Variants in PARP8 observed in about 807,000 individuals in gnomAD.
PARP8 encodes poly(ADP-ribose) polymerase family member 8.
PARP8 carries 51 observed loss-of-function variants against 124.1 expected under a neutral mutation model. That is an observed-to-expected ratio of 0.41 (90% CI 0.33 to 0.52). The LOEUF (loss-of-function observed/expected upper bound fraction) is 0.52. PARP8 is among the 20% of genes least tolerant of loss of function. PARP8 has a pLI of 0.21. For missense variants in PARP8, 860 were observed against 1,018.9 expected, an observed-to-expected ratio of 0.84 and a Z score of 2.12; for synonymous variants, 391 against 361.5, an observed-to-expected ratio of 1.08 and a Z score of -0.93.
At chr5:50,797,116 T>G (rs1382125279) in intron 13 of PARP8, 22 bp from the exon 14 acceptor site, 1 of 1,609,628 alleles carries the variant, frequency 6.2e-7, no homozygotes, top group Admixed American at 1.7e-5. Context: ...TCTTAATTAT[T>G]TTTCCTTACT....
chr5:50,834,902 G>T, intron 24 of PARP8, 29 bp from the exon 25 acceptor site: 3 of 1,574,682 alleles, frequency 1.9e-6, no homozygotes, highest in Non-Finnish European at 2.6e-6. Flanking sequence ...GAATAAAGTG[G>T]TTCTTTAATT....
intron 2 of PARP8, among the ~76,000 whole-genome samples, chr5:50,692,230 C>T (rs1351544140): frequency 1.3e-5 from 2 of 152,142 alleles, no homozygotes; most frequent in Non-Finnish European, 2.9e-5. Flanking sequence ...TCAAAAGTGT[C>T]TTCGTGATCT....
At chr5:50,723,096 A>T (rs1185604446) in intron 2 of PARP8, among the ~76,000 whole-genome samples, 1 of 152,160 alleles carries the variant, frequency 6.6e-6, no homozygotes, top group Non-Finnish European at 1.5e-5. Context: ...ATATGATAAT[A>T]GCTTTTCCTT....
At chr5:50,686,855 A>G (rs181329539) in intron 2 of PARP8, among the ~76,000 whole-genome samples, 7 of 152,240 alleles carry the variant, frequency 4.6e-5, no homozygotes, top group East Asian at 3.9e-4. Flanking sequence ...TGGAGTCCCT[A>G]GGCTGCACAC....
rs574527001 is a variant in PARP8, at chr5:50,839,796, A to C, written c.2463-2170A>C. Among the ~76,000 whole-genome samples the C allele has an allele frequency of 2.9e-3, 440 of 151,908 alleles. 2 individuals are homozygous for C. Among genetic ancestry groups the C allele is most frequent in the African/African-American group, 0.01 (425 of 41,464 alleles). ...AGTTTATGCAAAGAATTTAAATCTC[A>C]TATCTTCTCCACTAACTTCTAATGC... On this transcript the variant is annotated intron_variant, in intron 25 of 25. Coordinates refer to ENST00000281631, the MANE Select transcript of PARP8 (RefSeq NM_024615.4).
intron 2 of PARP8, chr5:50,741,913 G>C: frequency 2.3e-6 from 1 of 433,004 alleles, no homozygotes; most frequent in Non-Finnish European, 4.6e-6. Context: ...AGGTTCAAGT[G>C]ATTCTCCTGC....
chr5:50,739,641 A>G (rs186145867), intron 2 of PARP8, among the ~76,000 whole-genome samples: 346 of 150,788 alleles, frequency 2.3e-3, no homozygotes, highest in Non-Finnish European at 3.2e-3. Flanking sequence ...TGGTTATAAA[A>G]TAATTCTTAT....
At chr5:50,711,952 C>G (rs971074611) in intron 2 of PARP8, among the ~76,000 whole-genome samples, 2 of 151,946 alleles carry the variant, frequency 1.3e-5, no homozygotes, top group African/African-American at 4.8e-5. Context: ...AATAATAAAC[C>G]TTCTGAGAAA....
At chr5:50,791,218 G>A (rs908323730) in intron 10 of PARP8, among the ~76,000 whole-genome samples, 5 of 152,228 alleles carry the variant, frequency 3.3e-5, no homozygotes, top group African/African-American at 1.2e-4. Context: ...AATAGCAACA[G>A]CAAATGCTTA....
intron 2 of PARP8, among the ~76,000 whole-genome samples, chr5:50,695,947 T>C (rs1752981043): frequency 6.6e-6 from 1 of 152,162 alleles, no homozygotes; most frequent in Non-Finnish European, 1.5e-5. Context: ...AACAAAGACA[T>C]GATTTTGAGG....
chr5:50,813,193 A>G (rs1474645189), intron 14 of PARP8, among the ~76,000 whole-genome samples: 1 of 152,072 alleles, frequency 6.6e-6, no homozygotes, highest in African/African-American at 2.4e-5. Context: ...CAGTATGGCT[A>G]TTTTCACGAA....
rs1742387068 is a variant in PARP8, at chr5:50,795,130, T to C, written c.1141T>C (p.Ser381Pro). The change falls in exon 12 of 26, where the codon TCG becomes CCG. Residue 381 changes from serine (S) to proline (P), a missense_variant. By Grantham distance (74) the Ser-to-Pro change is moderately conservative. Around this residue, in one of 2 missense-constraint regions of PARP8, gnomAD observed 517 missense variants for 544.2 expected, o/e 0.95. Transcript: ENST00000281631. ...VKSEECLTLK[S>P]HRLLTRSCSG... ...GTCAGAGGAATGCCTAACTCTAAAG[T>C]CGCATAGACTATTGACTCGATCTTG... 2 of 1,614,164 alleles carry C rather than the reference T, an allele frequency of 1.2e-6. No individual in the cohort carries two copies. Among genetic ancestry groups the C allele is most frequent in the African/African-American group, 2.7e-5 (2 of 75,032 alleles).
chr5:50,767,138 C>G (rs747485690), intron 7 of PARP8, among the ~76,000 whole-genome samples: 4 of 152,044 alleles, frequency 2.6e-5, no homozygotes. Flanking sequence ...CCCTTAGTGA[C>G]GACAGTGAGC....
In PARP8 at chr5:50,761,855, C is replaced by T; in HGVS notation, c.380C>T (p.Ser127Phe). 6.2e-7 allele frequency: 1 copy of T among 1,603,656 alleles called. No individual in the cohort carries two copies. Among genetic ancestry groups the T allele is most frequent in the Non-Finnish European group, 8.5e-7 (1 of 1,173,158 alleles). Reference sequence around the variant, plus strand: ...CAGAATAGTACAGTGGAGGAAGATTCTGAAGGTGACAATGATTCCGAAGAA... The same window carrying T: ...CAGAATAGTACAGTGGAGGAAGATTTTGAAGGTGACAATGATTCCGAAGAA... Reference protein sequence around the residue: ...SRQNSTVEEDSEGDNDSEEFY... With the variant: ...SRQNSTVEEDFEGDNDSEEFY... The change falls in exon 6 of 26, where the codon TCT becomes TTT. Residue 127 changes from serine (S) to phenylalanine (F), a missense_variant. Physicochemically the swap from Ser to Phe is radical, Grantham distance 155. Transcript: ENST00000281631.
At chr5:50,744,361 G>T (rs146501952) in intron 2 of PARP8, among the ~76,000 whole-genome samples, 1 of 152,218 alleles carries the variant, frequency 6.6e-6, no homozygotes, top group South Asian at 2.1e-4. Context: ...CTTATTAAAT[G>T]GTTCCAGTTA....
chr5:50,824,742 T>C (rs1415742230), intron 17 of PARP8, among the ~76,000 whole-genome samples, 166 bp from the exon 18 acceptor site: 1 of 152,238 alleles, frequency 6.6e-6, no homozygotes, highest in Middle Eastern at 3.4e-3. Flanking sequence ...ACAATTCCCA[T>C]CATCTTGGGA....
intron 7 of PARP8, among the ~76,000 whole-genome samples, chr5:50,764,578 A>G (rs1478770337): frequency 6.6e-6 from 1 of 152,224 alleles, no homozygotes; most frequent in East Asian, 1.9e-4. Context: ...TGTTCTATTC[A>G]TGAAGGTATA....
chr5:50,817,639 A>C (rs1745249923), intron 15 of PARP8, among the ~76,000 whole-genome samples: 1 of 152,138 alleles, frequency 6.6e-6, no homozygotes, highest in Admixed American at 6.5e-5. Context: ...ATTTGTTTAG[A>C]TATTGGGCTC....
chr5:50,713,912 G>A (rs1004857974), intron 2 of PARP8, among the ~76,000 whole-genome samples: 2 of 151,972 alleles, frequency 1.3e-5, no homozygotes, highest in Non-Finnish European at 2.9e-5. Context: ...ACCTGGAAAT[G>A]AAAGGAAATG....
Sources: allele counts gnomAD v4.1 joint callset (sites outside exome capture counted in the v4.1 genomes callset), GRCh38; gene constraint gnomAD v4.1.1; regional missense constraint gnomAD v4.1.1; transcripts MANE v1.5; gene names NCBI Gene and HGNC (gene_info 2026-07-23, HGNC 2026-07-21).